TTC1: variants seen among roughly 807,000 people sequenced by gnomAD.
TTC1 encodes tetratricopeptide repeat domain 1.
A neutral mutation model predicts 37.6 loss-of-function variants in TTC1; 31 were observed. That is an observed-to-expected ratio of 0.82 (90% CI 0.62 to 1.11). The LOEUF is 1.11. Ranked by LOEUF, TTC1 falls within the 50% of genes most tolerant of loss-of-function variation. The pLI is 0.00. For missense variants in TTC1, 351 were observed against 339.0 expected (o/e 1.04, Z -0.28); for synonymous variants, 127 against 122.4 (o/e 1.04, Z -0.25).
chr5:160,061,225 T>C (rs1355891573), intron 7 of TTC1, among the ~76,000 whole-genome samples: 1 of 152,224 alleles, frequency 6.6e-6, no homozygotes, highest in Non-Finnish European at 1.5e-5. Flanking sequence ...TCTCATATGG[T>C]TGCAGTCCTA....
chr5:160,029,020 C>G (rs962867067), intron 2 of TTC1, among the ~76,000 whole-genome samples: 1 of 152,110 alleles, frequency 6.6e-6, no homozygotes, highest in African/African-American at 2.4e-5. Flanking sequence ...TTGACTGCAA[C>G]AAAACCTTGA....
intron 2 of TTC1, among the ~76,000 whole-genome samples, chr5:160,034,743 C>T (rs1159730525): frequency 6.6e-6 from 1 of 151,982 alleles, no homozygotes; most frequent in Non-Finnish European, 1.5e-5. Flanking sequence ...GAAACTTGTC[C>T]GAGGCCACAT....
chr5:160,018,671 CAGAT>C (rs1378824405), intron 2 of TTC1, among the ~76,000 whole-genome samples: 2 of 152,090 alleles, frequency 1.3e-5, no homozygotes, highest in African/African-American at 4.8e-5. Context: ...CAGAAGGAAA[CAGAT>C]GGATAATTTT....
chr5:160,043,244 T>A lies in TTC1; in HGVS notation c.541+75T>A, dbSNP rs1043224550. 1.2e-5 allele frequency: 19 copies of A among 1,541,832 alleles called. No individual in the cohort carries two copies. The African/African-American group carries it at 2.5e-4, about 20-fold the overall frequency. On this transcript the variant is annotated intron_variant, in intron 5 of 7. Coordinates refer to ENST00000231238, the MANE Select transcript of TTC1 (RefSeq NM_003314.3). ...AGACAGAGGGGCTTTGGGTCAGGTG[T>A]GCACTTGTACATGTGTACCCTTCCT...
chr5:160,017,744 A>G (rs1331343688), intron 2 of TTC1, among the ~76,000 whole-genome samples: 7 of 152,208 alleles, frequency 4.6e-5, no homozygotes, highest in Non-Finnish European at 7.3e-5. Context: ...GTTTTGCACA[A>G]TCTTCCTTCA....
At chr5:160,038,462 C>T (rs906515880) in intron 4 of TTC1, among the ~76,000 whole-genome samples, 1 of 152,178 alleles carries the variant, frequency 6.6e-6, no homozygotes, top group Non-Finnish European at 1.5e-5. Context: ...TTTGTTTCTA[C>T]AGTTGCCCAA....
At chr5:160,030,416 T>A (rs949694939) in intron 2 of TTC1, among the ~76,000 whole-genome samples, 4 of 152,238 alleles carry the variant, frequency 2.6e-5, no homozygotes, top group Non-Finnish European at 5.9e-5. Flanking sequence ...AAGAGATTTC[T>A]GAATCTTGAT....
intron 2 of TTC1, 66 bp downstream of exon 2, chr5:160,010,924 G>T: frequency 2.1e-6 from 3 of 1,417,008 alleles, no homozygotes; most frequent in Non-Finnish European, 1.9e-6. Flanking sequence ...GGTCGATACT[G>T]TATCATAGAC....
intron 7 of TTC1, among the ~76,000 whole-genome samples, chr5:160,056,731 AATAT>A (rs750435064): frequency 2.6e-5 from 4 of 151,512 alleles, no homozygotes; most frequent in Non-Finnish European, 4.4e-5. Context: ...TCAAAAGCAA[AATAT>A]ATATATATAT....
intron 2 of TTC1, chr5:160,024,095 G>T: frequency 1.2e-6 from 1 of 827,866 alleles, no homozygotes; most frequent in Non-Finnish European, 2.1e-6. Flanking sequence ...GCAATGGGTA[G>T]AGCCTTCTCT....
intron 7 of TTC1, among the ~76,000 whole-genome samples, chr5:160,052,050 TTG>T (rs1454157748): frequency 6.6e-6 from 1 of 152,190 alleles, no homozygotes; most frequent in Admixed American, 6.5e-5. Context: ...GCCAAGTTGA[TTG>T]AGAGGAGGCC....
intron 2 of TTC1, among the ~76,000 whole-genome samples, chr5:160,016,997 G>A (rs552246026): frequency 4.8e-4 from 73 of 152,340 alleles, no homozygotes; most frequent in African/African-American, 1.7e-3. Context: ...CTCTCAGAGA[G>A]TATAGTGTAT....
intron 2 of TTC1, among the ~76,000 whole-genome samples, chr5:160,014,220 TG>T (rs1431079181): frequency 3.3e-5 from 5 of 151,718 alleles, no homozygotes; most frequent in Admixed American, 3.3e-4. Flanking sequence ...TAGCCAGGCC[TG>T]GTGGCGGGCT....
At chr5:160,019,580 CTTTTTT>C (rs201420281) in intron 2 of TTC1, among the ~76,000 whole-genome samples, 1 of 108,706 alleles carries the variant, frequency 9.2e-6, no homozygotes, top group African/African-American at 3.5e-5. Context: ...TTCTTTCATT[CTTTTTT>C]TTTTTTTTTT....
At chr5:160,058,317 C>T (rs1757599280) in intron 7 of TTC1, among the ~76,000 whole-genome samples, 1 of 152,280 alleles carries the variant, frequency 6.6e-6, no homozygotes, top group East Asian at 1.9e-4. Flanking sequence ...CCCTCAAAGT[C>T]ATCCATGAGG....
intron 2 of TTC1, among the ~76,000 whole-genome samples, chr5:160,029,870 C>G (rs1038383747): frequency 6.6e-6 from 1 of 152,158 alleles, no homozygotes; most frequent in African/African-American, 2.4e-5. Flanking sequence ...TCCTAGAGAA[C>G]TCAGTACCTG....
intron 2 of TTC1, among the ~76,000 whole-genome samples, chr5:160,020,784 A>G (rs2113349752): frequency 6.6e-6 from 1 of 152,342 alleles, no homozygotes; most frequent in East Asian, 1.9e-4. Flanking sequence ...GCAGGAAAAC[A>G]AGCTTAGGGC....
chr5:160,047,135 G>C (rs2113387216), intron 5 of TTC1, among the ~76,000 whole-genome samples: 1 of 152,256 alleles, frequency 6.6e-6, no homozygotes, highest in African/African-American at 2.4e-5. Context: ...CCATGTGTAT[G>C]GCAGAGTTTC....
At chr5:160,039,405 T>G (rs71603649) in intron 4 of TTC1, among the ~76,000 whole-genome samples, 1 of 152,134 alleles carries the variant, frequency 6.6e-6, no homozygotes, top group East Asian at 1.9e-4. Context: ...ATGTATACTG[T>G]TTTATATAGA....
Sources: allele counts gnomAD v4.1 joint callset (sites outside exome capture counted in the v4.1 genomes callset), GRCh38; gene constraint gnomAD v4.1.1; transcripts MANE v1.5; gene names NCBI Gene and HGNC (gene_info 2026-07-23, HGNC 2026-07-21).